Variants in MBD5 observed in about 807,000 individuals in gnomAD.
MBD5 encodes methyl-CpG binding domain protein 5.
A neutral mutation model predicts 117.3 loss-of-function variants in MBD5; 13 were observed. The observed-to-expected ratio is 0.11, with a 90% confidence interval of 0.07 to 0.18. The LOEUF (loss-of-function observed/expected upper bound fraction) is 0.18, where lower values mean the gene tolerates loss of function less well. Among genes scored for constraint, MBD5 ranks in the 10% least tolerant of loss-of-function variants. The pLI, the probability that MBD5 is intolerant of heterozygous loss-of-function variation, is 1.00. For missense variants in MBD5, 1,879 were observed against 2,093.8 expected (o/e 0.90, Z 2.00); for synonymous variants, 727 against 766.4 (o/e 0.95, Z 0.85).
intron 9 of MBD5, 96 bp from the exon 10 acceptor site, chr2:148,485,646 A>G (rs1437808296): frequency 6.2e-5 from 56 of 900,374 alleles, no homozygotes; most frequent in Non-Finnish European, 7.3e-5. Context: ...TAAGCATAGC[A>G]CTTAGTTTCT....
intron 1 of MBD5, among the ~76,000 whole-genome samples, chr2:148,112,758 T>C (rs1368677123): frequency 3.3e-5 from 5 of 151,974 alleles, no homozygotes; most frequent in African/African-American, 9.6e-5. Context: ...GGTGCTGAAA[T>C]TGGAAAAAAA....
At chr2:148,501,922 A>C (rs1209764471) in intron 11 of MBD5, among the ~76,000 whole-genome samples, 1 of 152,218 alleles carries the variant, frequency 6.6e-6, no homozygotes, top group African/African-American at 2.4e-5. Context: ...GCAGGAAGGT[A>C]GGTATTATTG....
chr2:148,081,736 A>G (rs562637706), intron 1 of MBD5, among the ~76,000 whole-genome samples: 5 of 152,132 alleles, frequency 3.3e-5, no homozygotes, highest in Non-Finnish European at 7.4e-5. Flanking sequence ...GGCTTCCTGG[A>G]TGGCTCTGTG....
intron 3 of MBD5, among the ~76,000 whole-genome samples, chr2:148,289,332 G>A (rs1461318793): frequency 6.6e-6 from 1 of 152,116 alleles, no homozygotes; most frequent in Non-Finnish European, 1.5e-5. Flanking sequence ...TATAGGTTAT[G>A]AGTGGAATTT....
At chr2:148,255,251 G>T (rs907514394) in intron 3 of MBD5, among the ~76,000 whole-genome samples, 3 of 150,932 alleles carry the variant, frequency 2.0e-5, no homozygotes, top group Non-Finnish European at 3.0e-5. Context: ...TTCTGCCCTG[G>T]GCAGTCGTAC....
chr2:148,426,727 G>A (rs1705803235), intron 4 of MBD5, among the ~76,000 whole-genome samples: 3 of 152,146 alleles, frequency 2.0e-5, no homozygotes, highest in Admixed American at 2.0e-4. Flanking sequence ...ATACCATTCA[G>A]GACATAGACA....
chr2:148,258,482 G>C (rs1449327354), intron 3 of MBD5, among the ~76,000 whole-genome samples: 1 of 152,144 alleles, frequency 6.6e-6, no homozygotes, highest in Admixed American at 6.5e-5. Context: ...GGGACCAGTG[G>C]ATCGCTAATT....
At chr2:148,130,926 T>C (rs1697029637) in intron 1 of MBD5, among the ~76,000 whole-genome samples, 1 of 152,124 alleles carries the variant, frequency 6.6e-6, no homozygotes, top group Non-Finnish European at 1.5e-5. Flanking sequence ...TCCAAATAGT[T>C]TGGGCACTTA....
intron 1 of MBD5, among the ~76,000 whole-genome samples, chr2:148,157,308 C>A (rs1368804983): frequency 2.7e-5 from 4 of 148,084 alleles, no homozygotes; most frequent in African/African-American, 1.0e-4. Context: ...CCCAAACAGG[C>A]CCCAGTGTGT....
intron 2 of MBD5, among the ~76,000 whole-genome samples, chr2:148,213,250 A>G (rs1434516710): frequency 1.3e-5 from 2 of 152,168 alleles, no homozygotes; most frequent in African/African-American, 2.4e-5. Flanking sequence ...CTTAGGAGGT[A>G]AACCTTAAGA....
intron 1 of MBD5, among the ~76,000 whole-genome samples, chr2:148,043,272 A>T (rs886104410): frequency 1.5e-4 from 23 of 151,148 alleles, no homozygotes; most frequent in African/African-American, 5.6e-4. Flanking sequence ...AAAAATACAA[A>T]AAAAAAATAA....
chr2:148,118,765 A>C (rs112867640), intron 1 of MBD5, among the ~76,000 whole-genome samples: 2 of 152,168 alleles, frequency 1.3e-5, no homozygotes, highest in South Asian at 2.1e-4. Flanking sequence ...CATTTCATAC[A>C]AATGGAATCA....
intron 1 of MBD5, among the ~76,000 whole-genome samples, chr2:148,148,017 TTTTC>T (rs1697513322): frequency 6.6e-6 from 1 of 152,182 alleles, no homozygotes; most frequent in Non-Finnish European, 1.5e-5. Flanking sequence ...TCTCCAATTT[TTTTC>T]TTTGATTTTT....
intron 2 of MBD5, among the ~76,000 whole-genome samples, chr2:148,208,655 CT>C (rs57011820): frequency 0.75 from 104,164 of 138,006 alleles, 40,357 homozygotes; most frequent in East Asian, 0.94. Flanking sequence ...GTTATCTGTT[CT>C]TTTTTTTTTT....
In MBD5 at chr2:148,459,037, T is replaced by TG. The variant is rs111721579; in HGVS notation, c.113+166_113+167insG. On this transcript the variant is annotated intron_variant, in intron 5 of 13. Coordinates refer to ENST00000642680, the MANE Select transcript of MBD5 (RefSeq NM_001378120.1). Reference sequence around the variant, plus strand: ...GCCTTAGATTTCCAGAGAGAATTTTTTGCATTACTTGTTTATATAAGGTGT... The same window carrying TG: ...GCCTTAGATTTCCAGAGAGAATTTTTGTGCATTACTTGTTTATATAAGGTGT... 0.013 allele frequency among the ~76,000 whole-genome samples: 2,003 copies of TG among 152,254 alleles called. 35 individuals are homozygous for TG. The highest frequency in any genetic ancestry group is 0.047 in the African/African-American group (1,950 of 41,554).
rs558138423 is a variant in MBD5 at position 148,469,532 on chromosome 2, G to A, written c.1589G>A (p.Ser530Asn). The A allele has an allele frequency of 1.1e-4, 173 of 1,613,770 alleles. 3 individuals are homozygous for A. The South Asian group carries it at 1.8e-3, about 17-fold the overall frequency. The change falls in exon 8 of 14, where the codon AGT becomes AAT. Residue 530 changes from serine (S) to asparagine (N), a missense_variant. By Grantham distance (46) the Ser-to-Asn change is conservative (BLOSUM62 1). This residue lies in a region of MBD5 where 1,666 missense variants were observed against 1,792.2 expected (regional missense o/e 0.93). Transcript: ENST00000642680. ...CCTAACCCATTAATTGCTGGAATAA[G>A]TAATGTACTAAATACCCCAAGCAGT... is the stretch of plus-strand genomic sequence containing the variant. ...DIPNPLIAGISNVLNTPSSAA... is the reference protein window; with the variant it reads ...DIPNPLIAGINNVLNTPSSAA...
intron 1 of MBD5, among the ~76,000 whole-genome samples, chr2:148,142,118 C>T (rs1697333231): frequency 6.6e-6 from 1 of 152,074 alleles, no homozygotes; most frequent in Non-Finnish European, 1.5e-5. Context: ...CTGAGAAGGC[C>T]TATCGTATTG....
At chr2:148,238,654 C>T (rs190165597) in intron 3 of MBD5, among the ~76,000 whole-genome samples, 84 of 152,254 alleles carry the variant, frequency 5.5e-4, no homozygotes, top group Non-Finnish European at 9.1e-4. Context: ...GGCTAGAAGT[C>T]CAAAACTAAG....
Position 148,256,739 on chromosome 2 carries a change from A to G in MBD5, c.-680+23344A>G, listed in dbSNP as rs1000103509. 2.0e-5 allele frequency among the ~76,000 whole-genome samples: 3 copies of G among 152,224 alleles called. No homozygotes were observed. In the East Asian group the frequency reaches 5.8e-4, roughly 29 times the overall value. ...CATCTGTGTACCATGGCCTATCGAG[A>G]ATGGGGGGACACCCTCCCTTAAATG... On this transcript the variant is annotated intron_variant, in intron 3 of 13. Coordinates refer to ENST00000642680, the MANE Select transcript of MBD5 (RefSeq NM_001378120.1).
Sources: allele counts gnomAD v4.1 joint callset (sites outside exome capture counted in the v4.1 genomes callset), GRCh38; gene constraint gnomAD v4.1.1; regional missense constraint gnomAD v4.1.1; transcripts MANE v1.5; gene names NCBI Gene and HGNC (gene_info 2026-07-23, HGNC 2026-07-21).